The following CDK6 variants were observed in gnomAD, a reference collection of about 807,000 sequenced individuals.
CDK6 encodes cyclin dependent kinase 6.
A neutral mutation model predicts 37.1 loss-of-function variants in CDK6; 6 were observed. That is an observed-to-expected ratio of 0.16 (90% CI 0.09 to 0.32). CDK6 has a LOEUF of 0.32. CDK6 is among the 10% of genes least tolerant of loss of function. The pLI is 1.00. For synonymous variants in CDK6, 160 were observed against 161.3 expected (o/e 0.99, Z 0.06); for missense variants, 224 against 418.9 (o/e 0.53, Z 4.06).
chr7:92,746,483 G>A (rs898714640), intron 3 of CDK6, among the ~76,000 whole-genome samples: 2 of 152,136 alleles, frequency 1.3e-5, no homozygotes, highest in African/African-American at 4.8e-5. Flanking sequence ...ATGCACAGAA[G>A]TATAAATATT....
intron 3 of CDK6, among the ~76,000 whole-genome samples, chr7:92,757,307 C>T (rs1385135482): frequency 1.3e-5 from 2 of 152,154 alleles, no homozygotes; most frequent in Non-Finnish European, 2.9e-5. Flanking sequence ...CTTCTCCTAC[C>T]TTCCACCCTC....
chr7:92,673,485 G>C (rs1023313563), intron 4 of CDK6, among the ~76,000 whole-genome samples: 1 of 152,138 alleles, frequency 6.6e-6, no homozygotes, highest in Non-Finnish European at 1.5e-5. Context: ...ACACAAAACT[G>C]ACAATACTGA....
intron 2 of CDK6, among the ~76,000 whole-genome samples, chr7:92,795,716 A>G (rs1800392227): frequency 6.6e-6 from 1 of 152,168 alleles, no homozygotes. Flanking sequence ...GTCTAAATCA[A>G]TAAGCCTATC....
At chr7:92,798,989 T>A (rs1023658951) in intron 2 of CDK6, among the ~76,000 whole-genome samples, 4 of 152,172 alleles carry the variant, frequency 2.6e-5, no homozygotes, top group Non-Finnish European at 5.9e-5. Flanking sequence ...CTGCAATTCA[T>A]CAGCTTTTAT....
chr7:92,811,246 C>T (rs923365755), intron 2 of CDK6, among the ~76,000 whole-genome samples: 13 of 151,994 alleles, frequency 8.6e-5, no homozygotes, highest in African/African-American at 1.5e-4. Context: ...GCATTGTGAA[C>T]GAGCCTGGGA....
At chr7:92,716,781 T>C (rs1476747212) in intron 4 of CDK6, among the ~76,000 whole-genome samples, 1 of 152,166 alleles carries the variant, frequency 6.6e-6, no homozygotes, top group Admixed American at 6.5e-5. Flanking sequence ...ATATAACACT[T>C]GCGTTGAGTT....
Position 92,835,991 on chromosome 7 carries a change from CCA to C in CDK6, c.-368+485_-368+486del, listed in dbSNP as rs1801660472. Among the ~76,000 whole-genome samples the C allele has an allele frequency of 6.6e-6, 1 of 152,138 alleles. No individual in the cohort carries two copies. Among genetic ancestry groups the C allele is most frequent in the African/African-American group, 2.4e-5 (1 of 41,440 alleles). On this transcript the variant is annotated intron_variant, in intron 1 of 7. Coordinates refer to ENST00000424848, the MANE Select transcript of CDK6 (RefSeq NM_001145306.2). The surrounding 1 kb of genome is among the most constrained non-coding windows in gnomAD (Gnocchi z 4.2). ...TATCTCGTGGAGGGGAAGGTGGAGC[CCA>C]CACCCACACCTCAGCGAGCTGGAGA...
intron 2 of CDK6, among the ~76,000 whole-genome samples, chr7:92,798,892 T>C (rs923071466): frequency 6.6e-6 from 1 of 152,188 alleles, no homozygotes; most frequent in African/African-American, 2.4e-5. Context: ...ATGGATCTTC[T>C]GTCCCTCATG....
rs796319026 is a variant in CDK6, at chr7:92,785,523, A to G, written c.234-10692T>C. 6.6e-5 allele frequency among the ~76,000 whole-genome samples: 10 copies of G among 152,336 alleles called. No individual in the cohort carries two copies. The East Asian group carries it at 1.4e-3, about 21-fold the overall frequency. ...CTGACCTGAAGTCTTACACAGGTGC[A>G]TTTTATGGTATGTAAATTACATCTC... On this transcript the variant is annotated intron_variant, in intron 2 of 7. Transcript: ENST00000424848.
Position 92,614,365 on chromosome 7 carries a change from A to AT in CDK6, c.*774_*775insA, listed in dbSNP as rs1795626897. The AT allele has an allele frequency of 4.3e-6, 1 of 233,090 alleles. No homozygotes were observed. The allele number at this position is 233,090 out of a possible 1,614,324, so 14.4% of individuals were successfully genotyped here. A position where few individuals can be genotyped will look rare whatever the true frequency, so the allele number is the denominator to read the frequency against. On this transcript the variant is annotated 3_prime_UTR_variant, in exon 8 of 8. Coordinates refer to ENST00000424848, the MANE Select transcript of CDK6 (RefSeq NM_001145306.2). ...GAAATGATAAAGCATGATGTCATAC[A>AT]GAAGGTTAAAATAGACTTACAACAA...
intron 3 of CDK6, among the ~76,000 whole-genome samples, chr7:92,726,335 TTTAC>T (rs1476492630): frequency 2.0e-5 from 3 of 152,194 alleles, no homozygotes; most frequent in Non-Finnish European, 4.4e-5. Flanking sequence ...ATTACACCAT[TTTAC>T]AGGTCAAGAA....
chr7:92,760,265 T>C (rs1281313572), intron 3 of CDK6, among the ~76,000 whole-genome samples: 2 of 152,180 alleles, frequency 1.3e-5, no homozygotes. Context: ...AACAATGGTG[T>C]CAATAAATCT....
At chr7:92,750,181 T>C (rs1182049325) in intron 3 of CDK6, among the ~76,000 whole-genome samples, 2 of 152,216 alleles carry the variant, frequency 1.3e-5, no homozygotes, top group South Asian at 2.1e-4. Flanking sequence ...ATATGGCTTT[T>C]GGAAAGTCCA....
intron 5 of CDK6, among the ~76,000 whole-genome samples, chr7:92,636,513 T>C (rs1796173403): frequency 6.6e-6 from 1 of 152,224 alleles, no homozygotes; most frequent in South Asian, 2.1e-4. Context: ...CAACTCTCTG[T>C]CATATTTTTG....
At chr7:92,680,396 C>A (rs779403428) in intron 4 of CDK6, among the ~76,000 whole-genome samples, 4 of 133,022 alleles carry the variant, frequency 3.0e-5, no homozygotes, top group Non-Finnish European at 6.2e-5. Context: ...CACACCATTG[C>A]GCTCCAGCCT....
chr7:92,716,802 A>C (rs1296082178), intron 4 of CDK6, among the ~76,000 whole-genome samples: 1 of 152,210 alleles, frequency 6.6e-6, no homozygotes, highest in African/African-American at 2.4e-5. Flanking sequence ...AAGCAAATTT[A>C]GGGGAGATGG....
At position 92,652,404 on chromosome 7, in the gene CDK6, T is replaced by C. The variant is rs181195562; in HGVS notation, c.647+19022A>G. On this transcript the variant is annotated intron_variant, in intron 5 of 7. Transcript: ENST00000424848. ...CCATTTCATCTTTGGTTTTTCACTT[T>C]GAATAGCCTTTCATATATTTATTTT... 4.3e-3 allele frequency among the ~76,000 whole-genome samples: 648 copies of C among 152,352 alleles called. 4 individuals carry two copies. The highest frequency in any genetic ancestry group is 6.2e-3 in the Non-Finnish European group (422 of 68,028).
At chr7:92,814,681 G>T (rs531250922) in intron 2 of CDK6, among the ~76,000 whole-genome samples, 1 of 150,474 alleles carries the variant, frequency 6.6e-6, no homozygotes, top group African/African-American at 2.4e-5. Context: ...CTCAGTAAAA[G>T]AAATAAACCC....
At chr7:92,727,199 G>C (rs1210059618) in intron 3 of CDK6, among the ~76,000 whole-genome samples, 2 of 152,148 alleles carry the variant, frequency 1.3e-5, no homozygotes, top group Non-Finnish European at 2.9e-5. Context: ...TGTATACAAG[G>C]GAGGATGGAG....
Sources: gnomAD v4.1 joint callset for allele counts (sites outside exome capture counted in the v4.1 genomes callset) on GRCh38, gnomAD v4.1.1 for gene constraint, Gnocchi (gnomAD v3.1) non-coding constraint, MANE v1.5 for transcripts, NCBI Gene and HGNC (gene_info 2026-07-23, HGNC 2026-07-21) for gene names.